STX1B: variants seen among roughly 807,000 people sequenced by gnomAD.
STX1B encodes syntaxin-1B.
Under a neutral mutation model 39.4 loss-of-function variants are expected in STX1B, and 7 were observed. The ratio of observed to expected loss-of-function variants is 0.18; its 90% confidence interval spans 0.10 to 0.33. STX1B has a LOEUF of 0.33. Ranked by LOEUF, STX1B falls within the 10% of genes least tolerant of loss-of-function variation. STX1B has a pLI of 1.00. For missense variants in STX1B, 198 were observed against 383.2 expected, an observed-to-expected ratio of 0.52 and a Z score of 4.04; for synonymous variants, 136 against 144.1, an observed-to-expected ratio of 0.94 and a Z score of 0.40.
chr16:30,996,561 C>G (rs2056593041), intron 7 of STX1B, 122 bp downstream of exon 7: 17 of 892,106 alleles, frequency 1.9e-5, no homozygotes, highest in Non-Finnish European at 2.5e-5. Context: ...TTCCCCAGTT[C>G]CCGGCTCAGG....
At chr16:30,996,884 A>T (rs1467278266) in intron 6 of STX1B, 67 bp downstream of exon 6, 1 of 1,566,264 alleles carries the variant, frequency 6.4e-7, no homozygotes, top group Non-Finnish European at 8.7e-7. Flanking sequence ...TCCAGAGAGG[A>T]AATGCCTGGA....
intron 1 of STX1B, among the ~76,000 whole-genome samples, chr16:31,009,949 A>G (rs2056672465): frequency 6.6e-6 from 1 of 151,972 alleles, no homozygotes; most frequent in Admixed American, 6.6e-5. Context: ...CCTTCCCCGT[A>G]GCATCCCCTG....
In STX1B at chr16:30,995,493, CT is replaced by C. The variant is rs535108190; in HGVS notation, c.537+1189del. Reference sequence around the variant, plus strand: ...TTCGGGGAAAGCCCATCCTTTCTTTCTTTTTTTTTTTTTTAAGAGACAGAGT... The same window carrying C: ...TTCGGGGAAAGCCCATCCTTTCTTTCTTTTTTTTTTTTTAAGAGACAGAGT... On this transcript the variant is annotated intron_variant, in intron 7 of 9. Coordinates refer to ENST00000215095, the MANE Select transcript of STX1B (RefSeq NM_052874.5). Among the ~76,000 whole-genome samples, 686 of 143,458 alleles carry C rather than the reference CT, an allele frequency of 4.8e-3. 1 individual carries two copies. Among genetic ancestry groups the C allele is most frequent in the Admixed American group, 4.3e-3 (61 of 14,306 alleles). The allele number at this position is 143,458 out of a possible 152,430, so 94.1% of individuals were successfully genotyped here.
chr16:30,993,278 G>C, intron 8 of STX1B, 38 bp from the exon 9 acceptor site: 1 of 1,613,404 alleles, frequency 6.2e-7, no homozygotes, highest in South Asian at 1.1e-5. Context: ...AGGGATGGGG[G>C]CTGGGCTGGA....
intron 1 of STX1B, among the ~76,000 whole-genome samples, chr16:31,002,985 G>C (rs1325522567): frequency 2.0e-5 from 3 of 152,108 alleles, no homozygotes; most frequent in Non-Finnish European, 2.9e-5. Context: ...GGCTCACACG[G>C]ATCCCAGACA....
rs1182890464 is a variant in STX1B at position 30,992,645 on chromosome 16, G to GGC, written c.*175_*176insGC. The GGC allele has an allele frequency of 7.8e-4, 405 of 517,784 alleles. 5 individuals carry two copies. Among genetic ancestry groups the GGC allele is most frequent in the Non-Finnish European group, 1.3e-3 (366 of 288,876 alleles). The allele number at this position is 517,784 out of a possible 1,614,324, so 32.1% of individuals were successfully genotyped here. On this transcript the variant is annotated 3_prime_UTR_variant, in exon 10 of 10. Transcript: ENST00000215095. ...GCTGCGATCTACGTGCGGGGACGGG[G>GGC]GGGGGGTCCATGGCCCGGTGAGGTC...
chr16:31,010,306 C>G, intron 1 of STX1B, 61 bp downstream of exon 1: 4 of 417,982 alleles, frequency 9.6e-6, no homozygotes, highest in Non-Finnish European at 1.3e-5. Flanking sequence ...CCCACTCCAT[C>G]CCCACGCGCT....
At chr16:30,997,437 C>A in intron 5 of STX1B, 65 bp downstream of exon 5, 1 of 1,432,764 alleles carries the variant, frequency 7.0e-7, no homozygotes, top group Non-Finnish European at 9.6e-7. Flanking sequence ...GGCCCGCCGG[C>A]CTCCAGCCTG....
At position 30,992,713 on chromosome 16, in the gene STX1B, C is replaced by A; in HGVS notation, c.*108G>T. The A allele has an allele frequency of 2.7e-6, 1 of 370,252 alleles. No individual in the cohort carries two copies. The highest frequency in any genetic ancestry group is 2.6e-5 in the South Asian group (1 of 37,892). 22.9% of individuals were successfully genotyped at this position (370,252 alleles called of 1,614,324 possible). ...GCCGTGGGGGTGGGGCTGCCTGGGTCTGTTTTGGGAGTGAGCCTGGAGCAG... is the reference window on the plus strand; with the variant it reads ...GCCGTGGGGGTGGGGCTGCCTGGGTATGTTTTGGGAGTGAGCCTGGAGCAG... On this transcript the variant is annotated 3_prime_UTR_variant, in exon 10 of 10. Coordinates refer to ENST00000215095, the MANE Select transcript of STX1B (RefSeq NM_052874.5).
chr16:31,009,989 G>T (rs2056672593), intron 1 of STX1B, among the ~76,000 whole-genome samples: 1 of 152,006 alleles, frequency 6.6e-6, no homozygotes, highest in African/African-American at 2.4e-5. Flanking sequence ...TCTCAGCCTG[G>T]CCCAGTCACC....
In STX1B at chr16:30,993,259, T is replaced by G. The variant is rs750340475; in HGVS notation, c.676-19A>C. ...TCTCTCCCTGCAGACAGAGGAGACA[T>G]GCACAGGGAGGGATGGGGGCTGGGC... On this transcript the variant is annotated intron_variant, in intron 8 of 9. Coordinates refer to ENST00000215095, the MANE Select transcript of STX1B (RefSeq NM_052874.5). 10 of 1,613,958 alleles carry G rather than the reference T, an allele frequency of 6.2e-6. No individual in the cohort carries two copies. Among genetic ancestry groups the G allele is most frequent in the Non-Finnish European group, 8.5e-6 (10 of 1,179,850 alleles).
rs530985994 is a variant in STX1B, at chr16:31,007,169, C to G, written c.30+3198G>C. 1.0e-3 allele frequency among the ~76,000 whole-genome samples: 157 copies of G among 152,240 alleles called. 1 individual carries two copies. Among genetic ancestry groups the G allele is most frequent in the African/African-American group, 3.6e-3 (149 of 41,518 alleles). On this transcript the variant is annotated intron_variant, in intron 1 of 9. Transcript: ENST00000215095. Reference sequence around the variant, plus strand: ...CCCAGAGCAGCTGGAGGATATGGATCCATCACCCAGGGTTCGTTGGTCTCT... The same window carrying G: ...CCCAGAGCAGCTGGAGGATATGGATGCATCACCCAGGGTTCGTTGGTCTCT...
chr16:31,001,332 G>T lies in STX1B; in HGVS notation c.106-139C>A. Reference sequence around the variant, plus strand: ...CCAGGGAGGGTGCAGGAGCAGGGAAGTGGGGGACAGGGAAAAGGAAGTTGT... The same window carrying T: ...CCAGGGAGGGTGCAGGAGCAGGGAATTGGGGGACAGGGAAAAGGAAGTTGT... On this transcript the variant is annotated intron_variant, in intron 2 of 9. Coordinates refer to ENST00000215095, the MANE Select transcript of STX1B (RefSeq NM_052874.5). This position sits in a 1 kb window ranked among gnomAD's most constrained non-coding sequence, Gnocchi z 5.5. 2 of 914,730 alleles carry T rather than the reference G, an allele frequency of 2.2e-6. No homozygotes were observed. The highest frequency in any genetic ancestry group is 3.4e-6 in the Non-Finnish European group (2 of 587,934). The allele number at this position is 914,730 out of a possible 1,614,324, so 56.7% of individuals were successfully genotyped here.
rs192913411 is a variant in STX1B at position 31,001,905 on chromosome 16, G to A, written c.31-302C>T. 4.7e-4 allele frequency among the ~76,000 whole-genome samples: 72 copies of A among 152,214 alleles called. No individual in the cohort carries two copies. The highest frequency in any genetic ancestry group is 4.0e-3 in the Admixed American group (61 of 15,298). ...GGGATGATTTCAATATTTCAACAAC[G>A]GCTCAACGTCAGGCTTGCAGTAACT... On this transcript the variant is annotated intron_variant, in intron 1 of 9. Transcript: ENST00000215095. This position sits in a 1 kb window ranked among gnomAD's most constrained non-coding sequence, Gnocchi z 5.5.
At chr16:31,006,730 A>AGGGCAGAGGGAACAGCATGCT (rs1289636082) in intron 1 of STX1B, among the ~76,000 whole-genome samples, 22 of 152,292 alleles carry the variant, frequency 1.4e-4, no homozygotes, top group African/African-American at 4.6e-4. Context: ...AACAGAATTC[A>AGGGCAGAGGGAACAGCATGCT]GGGCAGAGGG....
intron 6 of STX1B, 37 bp downstream of exon 6, chr16:30,996,914 A>T: frequency 1.9e-6 from 3 of 1,588,068 alleles, no homozygotes; most frequent in Non-Finnish European, 2.6e-6. Context: ...GGGCAGCCTC[A>T]AGGAGTTCGG....
Position 30,997,077 on chromosome 16 carries a change from G to A in STX1B, c.355-18C>T. The A allele has an allele frequency of 6.4e-7, 1 of 1,555,346 alleles. No individual in the cohort carries two copies. Among genetic ancestry groups the A allele is most frequent in the Middle Eastern group, 1.7e-4 (1 of 5,952 alleles). On this transcript the variant is annotated intron_variant, in intron 5 of 9. Transcript: ENST00000215095. ...GTGGAGTGCTACGGTGGGGGTGGGG[G>A]GACAGACGGATCAGGGAGGTAGTCA...
Position 31,005,319 on chromosome 16 carries a change from C to T in STX1B, c.31-3716G>A, listed in dbSNP as rs56209628. Among the ~76,000 whole-genome samples the T allele has an allele frequency of 8.8e-3, 1,344 of 152,208 alleles. 14 individuals carry two copies. Among genetic ancestry groups the T allele is most frequent in the African/African-American group, 0.031 (1,282 of 41,524 alleles). On this transcript the variant is annotated intron_variant, in intron 1 of 9. Transcript: ENST00000215095. Reference sequence around the variant, plus strand: ...CCTAGGAAAAGATGATCAAATGTGCCCCAGTCTACTTTATGGTGGCCTCAG... The same window carrying T: ...CCTAGGAAAAGATGATCAAATGTGCTCCAGTCTACTTTATGGTGGCCTCAG...
chr16:31,003,604 G>A (rs1416007109), intron 1 of STX1B, among the ~76,000 whole-genome samples: 8 of 152,194 alleles, frequency 5.3e-5, no homozygotes, highest in African/African-American at 1.9e-4. Context: ...CCTTCCCCAT[G>A]CTAATGTTAG....
Sources: allele counts gnomAD v4.1 joint callset (sites outside exome capture counted in the v4.1 genomes callset), GRCh38; gene constraint gnomAD v4.1.1; non-coding constraint Gnocchi (gnomAD v3.1); transcripts MANE v1.5; gene names NCBI Gene and HGNC (gene_info 2026-07-23, HGNC 2026-07-21).